The following LINGO2 variants were observed in gnomAD, a reference collection of about 807,000 sequenced individuals.
LINGO2 encodes leucine-rich repeat and immunoglobulin-like domain-containing nogo receptor-interacting protein 2.
A neutral mutation model predicts 30.6 loss-of-function variants in LINGO2; 14 were observed. That is an observed-to-expected ratio of 0.46 (90% CI 0.30 to 0.72). The LOEUF (loss-of-function observed/expected upper bound fraction) is 0.72. Ranked by LOEUF, LINGO2 falls within the 30% of genes least tolerant of loss-of-function variation. LINGO2 has a pLI of 0.07. For missense variants in LINGO2, 729 were observed against 751.7 expected (o/e 0.97, Z 0.35); for synonymous variants, 317 against 288.5 (o/e 1.10, Z -1.00).
At chr9:29,142,931 A>C in the LINGO2 span, among the ~76,000 whole-genome samples, 1 of 152,072 alleles carries the variant, frequency 6.6e-6, no homozygotes, top group Non-Finnish European at 1.5e-5. Context: ...AACTGGTATA[A>C]CTAACAAACT....
chr9:27,987,971 T>TA (rs1226317379), intron 5 of LINGO2, among the ~76,000 whole-genome samples: 4 of 152,068 alleles, frequency 2.6e-5, no homozygotes, highest in African/African-American at 9.7e-5. Context: ...TCATTTATAT[T>TA]AGGTGTATCT....
intron 4 of LINGO2, among the ~76,000 whole-genome samples, chr9:28,140,222 T>C (rs913865154): frequency 6.6e-6 from 1 of 152,198 alleles, no homozygotes; most frequent in Non-Finnish European, 1.5e-5. Context: ...ACAGTGAGGA[T>C]TGAGGAAGCC....
At chr9:28,971,587 T>C in the LINGO2 span, among the ~76,000 whole-genome samples, 1 of 152,204 alleles carries the variant, frequency 6.6e-6, no homozygotes, top group East Asian at 1.9e-4. Context: ...AGTGGGAGAC[T>C]GCATCTTGTG....
chr9:28,012,069 CCCA>C lies in LINGO2; in HGVS notation c.-36+283_-36+285del, dbSNP rs539056442. Among the ~76,000 whole-genome samples, 25 of 152,210 alleles carry C rather than the reference CCCA, an allele frequency of 1.6e-4. No individual in the cohort carries two copies. The East Asian group carries it at 4.7e-3, about 28-fold the overall frequency. ...TCTGCCAGCTTTGTGTCAGTACAAT[CCCA>C]CCTTTATTTTCCCCAGAAGAGTTGG... On this transcript the variant is annotated intron_variant, in intron 5 of 5. Coordinates refer to ENST00000379992, the Ensembl canonical transcript of LINGO2.
chr9:29,077,779 T>G, the LINGO2 span, among the ~76,000 whole-genome samples: 1 of 151,612 alleles, frequency 6.6e-6, no homozygotes, highest in Non-Finnish European at 1.5e-5. Context: ...TGAAACAATG[T>G]GGGGAAACAT....
At chr9:28,173,642 G>A (rs1193380793) in intron 4 of LINGO2, among the ~76,000 whole-genome samples, 1 of 152,192 alleles carries the variant, frequency 6.6e-6, no homozygotes, top group Non-Finnish European at 1.5e-5. Flanking sequence ...AGAGGCATGA[G>A]CCAGCATTAC....
At chr9:28,886,892 T>G in the LINGO2 span, among the ~76,000 whole-genome samples, 4 of 152,232 alleles carry the variant, frequency 2.6e-5, no homozygotes, top group African/African-American at 9.6e-5. Flanking sequence ...AGAAATAATA[T>G]AGAAATAGTA....
chr9:28,860,987 ATATAT>A, the LINGO2 span, among the ~76,000 whole-genome samples: 11,084 of 128,308 alleles, frequency 0.086, 573 homozygotes, highest in African/African-American at 0.11. Flanking sequence ...TAAATCTATA[ATATAT>A]TATATTTATT....
chr9:28,279,088 A>G (rs1823230664), intron 4 of LINGO2, among the ~76,000 whole-genome samples: 1 of 152,202 alleles, frequency 6.6e-6, no homozygotes, highest in African/African-American at 2.4e-5. Flanking sequence ...TTAGAAGTAA[A>G]GGTAGATCCT....
intron 2 of LINGO2, among the ~76,000 whole-genome samples, chr9:28,431,690 T>A (rs1055065681): frequency 1.3e-5 from 2 of 152,164 alleles, no homozygotes; most frequent in Non-Finnish European, 2.9e-5. Flanking sequence ...TTGCAGTATA[T>A]TCTGTGACTC....
chr9:28,359,532 T>C (rs2134498328), intron 3 of LINGO2, among the ~76,000 whole-genome samples: 1 of 152,290 alleles, frequency 6.6e-6, no homozygotes, highest in Admixed American at 6.5e-5. Flanking sequence ...AACTGTACAA[T>C]CCAAAATATA....
At position 28,604,873 on chromosome 9, in the gene LINGO2, G is replaced by C. The variant is rs571551816; in HGVS notation, c.-365+65327C>G. ...TTTTTAGTAGTATCAGATGCCACTTGAGCACTTTCTACATGTGCAAGACAC... is the reference window on the plus strand; with the variant it reads ...TTTTTAGTAGTATCAGATGCCACTTCAGCACTTTCTACATGTGCAAGACAC... On this transcript the variant is annotated intron_variant, in intron 1 of 5. Coordinates refer to ENST00000379992, the Ensembl canonical transcript of LINGO2. Among the ~76,000 whole-genome samples, 23 of 152,104 alleles carry C rather than the reference G, an allele frequency of 1.5e-4. No homozygotes were observed. In the East Asian group the frequency reaches 3.9e-3, roughly 26 times the overall value.
intron 4 of LINGO2, among the ~76,000 whole-genome samples, chr9:28,135,783 C>T (rs1247371767): frequency 1.3e-5 from 2 of 152,154 alleles, no homozygotes; most frequent in Non-Finnish European, 2.9e-5. Flanking sequence ...CATAAAATGC[C>T]TTCCCTCTAC....
At chr9:28,444,003 T>G (rs1445448771) in intron 2 of LINGO2, among the ~76,000 whole-genome samples, 1 of 152,122 alleles carries the variant, frequency 6.6e-6, no homozygotes, top group Non-Finnish European at 1.5e-5. Context: ...TTCTCCCTTC[T>G]GAGCCCATAA....
intron 2 of LINGO2, among the ~76,000 whole-genome samples, chr9:28,402,280 C>T (rs1016579725): frequency 6.6e-6 from 1 of 152,034 alleles, no homozygotes; most frequent in South Asian, 2.1e-4. Context: ...TTTGTATTTC[C>T]TCTCTCTTTT....
intron 3 of LINGO2, among the ~76,000 whole-genome samples, chr9:28,365,389 A>C (rs1407223362): frequency 1.3e-5 from 2 of 152,188 alleles, no homozygotes; most frequent in African/African-American, 2.4e-5. Flanking sequence ...ACCAATAGAA[A>C]TATGACTAAG....
intron 2 of LINGO2, among the ~76,000 whole-genome samples, chr9:28,387,072 C>A (rs1821611243): frequency 6.6e-6 from 1 of 152,096 alleles, no homozygotes; most frequent in Non-Finnish European, 1.5e-5. Context: ...ACTTGGAGAA[C>A]TTTTCTGTCT....
At chr9:28,812,950 T>C in the LINGO2 span, among the ~76,000 whole-genome samples, 1 of 152,080 alleles carries the variant, frequency 6.6e-6, no homozygotes, top group African/African-American at 2.4e-5. Flanking sequence ...ATAACTGAAG[T>C]TTATGAATGA....
the LINGO2 span, among the ~76,000 whole-genome samples, chr9:28,944,734 C>T: frequency 6.6e-6 from 1 of 152,060 alleles, no homozygotes; most frequent in Admixed American, 6.6e-5. Flanking sequence ...GGTTATTGAC[C>T]AGCTACTGAA....
Sources: allele counts gnomAD v4.1 joint callset (sites outside exome capture counted in the v4.1 genomes callset), GRCh38; gene constraint gnomAD v4.1.1; transcripts MANE v1.5; gene names NCBI Gene and HGNC (gene_info 2026-07-23, HGNC 2026-07-21).